Variants in MECOM observed in about 807,000 individuals in gnomAD.
MECOM encodes histone-lysine N-methyltransferase MECOM.
In MECOM, 13 loss-of-function variants were observed where a neutral mutation model predicts 116.3. The observed-to-expected ratio is 0.11, with a 90% CI of 0.07 to 0.18. MECOM has a LOEUF of 0.18. MECOM is among the 10% of genes least tolerant of loss of function. MECOM has a pLI of 1.00. For missense variants in MECOM, 1,299 were observed against 1,509.0 expected (o/e 0.86, Z 2.31); for synonymous variants, 528 against 535.2 (o/e 0.99, Z 0.19).
At chr3:169,097,703 G>C (rs1722062009) in intron 12 of MECOM, among the ~76,000 whole-genome samples, 1 of 151,312 alleles carries the variant, frequency 6.6e-6, no homozygotes. Flanking sequence ...GGTGGCACCT[G>C]CCTATACTAT....
intron 1 of MECOM, chr3:169,483,821 G>A: frequency 6.2e-7 from 1 of 1,611,816 alleles, no homozygotes; most frequent in Non-Finnish European, 8.5e-7. Context: ...AATACCTTTT[G>A]GAGAAAGGCA....
intron 1 of MECOM, among the ~76,000 whole-genome samples, chr3:169,653,553 G>A (rs1024409857): frequency 3.3e-5 from 5 of 152,180 alleles, no homozygotes; most frequent in Non-Finnish European, 7.3e-5. Context: ...AGTATGGGTA[G>A]ATTTACAAAC....
At chr3:169,110,698 G>A (rs1727070466) in intron 9 of MECOM, among the ~76,000 whole-genome samples, 1 of 152,140 alleles carries the variant, frequency 6.6e-6, no homozygotes, top group Admixed American at 6.5e-5. Flanking sequence ...TCCTGCTCCA[G>A]AATGGCAGAA....
intron 1 of MECOM, among the ~76,000 whole-genome samples, chr3:169,597,830 G>A (rs1767319095): frequency 6.6e-6 from 1 of 152,112 alleles, no homozygotes; most frequent in Admixed American, 6.5e-5. Context: ...TAATGAAATA[G>A]GAGCCTGTTA....
intron 1 of MECOM, among the ~76,000 whole-genome samples, chr3:169,569,298 T>C (rs1027538656): frequency 1.3e-5 from 2 of 151,860 alleles, no homozygotes; most frequent in African/African-American, 4.8e-5. Flanking sequence ...AGCTAATATA[T>C]GCACCCAATA....
At chr3:169,198,959 AT>A (rs1748799917) in intron 2 of MECOM, among the ~76,000 whole-genome samples, 1 of 152,052 alleles carries the variant, frequency 6.6e-6, no homozygotes, top group South Asian at 2.1e-4. Flanking sequence ...AGTTTTTTAG[AT>A]GAAGAAGATG....
intron 1 of MECOM, among the ~76,000 whole-genome samples, chr3:169,428,011 A>C (rs1741000625): frequency 6.6e-6 from 1 of 152,200 alleles, no homozygotes; most frequent in African/African-American, 2.4e-5. Flanking sequence ...GAACACAGTC[A>C]ATGCATGGGC....
At chr3:169,238,418 T>C (rs1045889731) in intron 2 of MECOM, among the ~76,000 whole-genome samples, 1 of 152,036 alleles carries the variant, frequency 6.6e-6, no homozygotes, top group African/African-American at 2.4e-5. Context: ...TACTGAAACA[T>C]GAGAGAGCAT....
intron 10 of MECOM, among the ~76,000 whole-genome samples, chr3:169,105,212 A>G (rs181157834): frequency 1.3e-5 from 2 of 152,292 alleles, no homozygotes; most frequent in East Asian, 3.9e-4. Flanking sequence ...CCTCAGTTGA[A>G]AAGAATAAGT....
At chr3:169,413,497 T>A (rs1314154621) in intron 1 of MECOM, among the ~76,000 whole-genome samples, 1 of 151,624 alleles carries the variant, frequency 6.6e-6, no homozygotes, top group African/African-American at 2.4e-5. Context: ...TTTATTTTTT[T>A]TTTTGTACCC....
At chr3:169,178,589 G>A (rs1745524083) in intron 2 of MECOM, among the ~76,000 whole-genome samples, 1 of 152,152 alleles carries the variant, frequency 6.6e-6, no homozygotes, top group Non-Finnish European at 1.5e-5. Flanking sequence ...ATGTTTGCCA[G>A]CTTCAAGATA....
intron 1 of MECOM, among the ~76,000 whole-genome samples, chr3:169,443,643 C>T (rs1560281451): frequency 6.6e-6 from 1 of 152,224 alleles, no homozygotes; most frequent in Non-Finnish European, 1.5e-5. Context: ...TATCCAATCC[C>T]ATGGCATTTA....
intron 1 of MECOM, among the ~76,000 whole-genome samples, chr3:169,413,885 A>C (rs906146777): frequency 6.6e-6 from 1 of 152,226 alleles, no homozygotes; most frequent in African/African-American, 2.4e-5. Context: ...CAGCAGCCCC[A>C]GTCAGGAGCT....
chr3:169,442,901 ACAGT>A (rs1248654472), intron 1 of MECOM, among the ~76,000 whole-genome samples: 4 of 152,158 alleles, frequency 2.6e-5, no homozygotes, highest in African/African-American at 9.7e-5. Flanking sequence ...GCTTTGTATT[ACAGT>A]CATTTGAATG....
chr3:169,454,501 G>A (rs909426204), intron 1 of MECOM, among the ~76,000 whole-genome samples: 3 of 151,162 alleles, frequency 2.0e-5, no homozygotes, highest in Non-Finnish European at 4.4e-5. Context: ...AGAAGAAAAT[G>A]TGAGGTTTGC....
intron 2 of MECOM, among the ~76,000 whole-genome samples, chr3:169,375,843 TCCTGATACCAAAA>T (rs1269024863): frequency 6.7e-6 from 1 of 149,692 alleles, no homozygotes; most frequent in Non-Finnish European, 1.5e-5. Context: ...GCCAGCATCA[TCCTGATACCAAAA>T]CCTGGCAGAG....
chr3:169,330,721 CA>C (rs200409389), intron 2 of MECOM, among the ~76,000 whole-genome samples: 5 of 147,368 alleles, frequency 3.4e-5, no homozygotes, highest in South Asian at 2.2e-4. Flanking sequence ...GACCTTTTTC[CA>C]AAAAAAAATA....
intron 2 of MECOM, among the ~76,000 whole-genome samples, chr3:169,206,569 T>C (rs560817221): frequency 1.3e-5 from 2 of 151,840 alleles, no homozygotes; most frequent in African/African-American, 4.8e-5. Flanking sequence ...CTGACCAACA[T>C]GGTGAAACTC....
intron 1 of MECOM, among the ~76,000 whole-genome samples, chr3:169,638,479 C>T (rs1352451570): frequency 6.6e-6 from 1 of 152,180 alleles, no homozygotes; most frequent in Non-Finnish European, 1.5e-5. Context: ...CCCACCTGAC[C>T]CTTAGCCCTC....
Sources: gnomAD v4.1 joint callset for allele counts (sites outside exome capture counted in the v4.1 genomes callset) on GRCh38, gnomAD v4.1.1 for gene constraint, MANE v1.5 for transcripts, NCBI Gene and HGNC (gene_info 2026-07-23, HGNC 2026-07-21) for gene names.